EHD1: variants seen among roughly 807,000 people sequenced by gnomAD.
The protein encoded by EHD1 is EH domain containing 1, also known as EH domain-containing protein 1.
EHD1 carries 19 observed loss-of-function variants against 39.0 expected under a neutral mutation model. The observed-to-expected ratio is 0.49, with a 90% confidence interval of 0.34 to 0.72. EHD1 has a LOEUF of 0.72. EHD1 is among the 30% of genes least tolerant of loss of function. The pLI, the probability that EHD1 is intolerant of heterozygous loss-of-function variation, is 0.01. For missense variants in EHD1, 542 were observed against 751.5 expected (o/e 0.72, Z 3.26); for synonymous variants, 323 against 331.2 (o/e 0.98, Z 0.27).
chr11:64,859,697 A>G (rs1399716882), intron 3 of EHD1: 11 of 606,400 alleles, frequency 1.8e-5, no homozygotes, highest in Admixed American at 1.3e-4. Context: ...TATAAACCAC[A>G]AACAGAACAG....
chr11:64,852,938 G>A lies in EHD1; in HGVS notation c.*1395C>T, dbSNP rs1010659645. 1 of 152,404 alleles carries A rather than the reference G, an allele frequency of 6.6e-6. No individual in the cohort carries two copies. Among genetic ancestry groups the A allele is most frequent in the Non-Finnish European group, 1.5e-5 (1 of 68,154 alleles). The allele number at this position is 152,404 out of a possible 1,614,324, so 9.4% of individuals were successfully genotyped here. A position where few individuals can be genotyped will look rare whatever the true frequency, so the allele number is the denominator to read the frequency against. On this transcript the variant is annotated 3_prime_UTR_variant, in exon 5 of 5. Transcript: ENST00000320631. ...GAGCAGCGCTGGGGAGAAGCTCCCT[G>A]AGACCCCCGCGGGAAAGCCTGGTGG... is the stretch of plus-strand genomic sequence containing the variant.
At chr11:64,871,730 G>A (rs1430181169) in intron 2 of EHD1, among the ~76,000 whole-genome samples, 1 of 152,166 alleles carries the variant, frequency 6.6e-6, no homozygotes, top group East Asian at 1.9e-4. Context: ...GGATATAGGG[G>A]AGCCTGGCCT....
Position 64,860,053 on chromosome 11 carries a change from G to C in EHD1, c.786C>G (p.Leu262=), listed in dbSNP as rs768160178. 6.2e-7 allele frequency: 1 copy of C among 1,614,162 alleles called. No individual in the cohort carries two copies. The highest frequency in any genetic ancestry group is 2.2e-5 in the East Asian group (1 of 44,884). Reference sequence around the variant, plus strand: ...AGAGCTTGCGGTTGTCGGGGATGAGGAGCGGGTGGGACCAGAAGGAGCCGA... The same window carrying C: ...AGAGCTTGCGGTTGTCGGGGATGAGCAGCGGGTGGGACCAGAAGGAGCCGA... ...VYIGSFWSHP[L]LIPDNRKLFE... is the part of the protein sequence containing the mutation. Residue 262 remains leucine (L), a synonymous_variant, in exon 3 of 5, where the codon CTC becomes CTG. Transcript: ENST00000320631.
Position 64,854,331 on chromosome 11 carries a change from CA to C in EHD1, c.*1del. The C allele has an allele frequency of 6.2e-7, 1 of 1,600,416 alleles. No homozygotes were observed. Among genetic ancestry groups the C allele is most frequent in the Non-Finnish European group, 8.5e-7 (1 of 1,173,986 alleles). On this transcript the variant is annotated 3_prime_UTR_variant, in exon 5 of 5. Coordinates refer to ENST00000320631, the MANE Select transcript of EHD1 (RefSeq NM_006795.4). ...AAATGGCAGGTGCGGGGCCGGGCGC[CA>C]TCACTCATGTCTGCGCTTGGAGGGC...
intron 2 of EHD1, among the ~76,000 whole-genome samples, chr11:64,870,655 G>A (rs560465103): frequency 1.3e-5 from 2 of 152,352 alleles, no homozygotes; most frequent in South Asian, 4.1e-4. Context: ...GGTGGGGAAC[G>A]AACGAACTGG....
intron 4 of EHD1, 53 bp downstream of exon 4, chr11:64,855,269 T>C: frequency 2.5e-6 from 4 of 1,589,600 alleles, no homozygotes; most frequent in Non-Finnish European, 3.4e-6. Context: ...GCCCTGGGCC[T>C]TCCTTCTGCC....
At chr11:64,877,373 G>C (rs1003725423) in intron 1 of EHD1, among the ~76,000 whole-genome samples, 5 of 152,174 alleles carry the variant, frequency 3.3e-5, no homozygotes, top group African/African-American at 9.7e-5. Context: ...GTGCACAGAA[G>C]GGCTTAGGGC....
chr11:64,878,573 A>ACACTGCGCAGGCG lies in EHD1; in HGVS notation c.-122_-110dup, dbSNP rs1943916090. ...CGGGGCAGGGAATCGGGAGCGACCC[A>ACACTGCGCAGGCG]CACTGCGCAGGCGCACAGCCCAGCC... On this transcript the variant is annotated 5_prime_UTR_variant, in exon 1 of 5. Transcript: ENST00000320631. 1.4e-6 allele frequency: 2 copies of ACACTGCGCAGGCG among 1,451,724 alleles called. No individual in the cohort carries two copies. The highest frequency in any genetic ancestry group is 2.4e-4 in the Middle Eastern group (1 of 4,108). The allele number at this position is 1,451,724 out of a possible 1,614,324, so 89.9% of individuals were successfully genotyped here.
intron 2 of EHD1, among the ~76,000 whole-genome samples, chr11:64,870,403 C>G (rs1192652120): frequency 6.6e-6 from 1 of 152,220 alleles, no homozygotes; most frequent in South Asian, 2.1e-4. Flanking sequence ...AATTACTTAA[C>G]TTTCCTAAGC....
chr11:64,879,488 G>C (rs1943930088), upstream of EHD1: 3 of 1,412,908 alleles, frequency 2.1e-6, no homozygotes, highest in Non-Finnish European at 2.9e-6. Flanking sequence ...GGAAGTGTGG[G>C]GGCAACAATG....
rs549799396 is a variant in EHD1, at chr11:64,878,549, G to C, written c.-85C>G. On this transcript the variant is annotated 5_prime_UTR_variant, in exon 1 of 5. Transcript: ENST00000320631. ...GTGCGGAGCCGAGGCGGGGCCGGCC[G>C]GGGCAGGGAATCGGGAGCGACCCAC... The C allele has an allele frequency of 6.8e-7, 1 of 1,473,866 alleles. No individual in the cohort carries two copies. The highest frequency in any genetic ancestry group is 1.4e-5 in the African/African-American group (1 of 71,486). 91.3% of individuals were successfully genotyped at this position (1,473,866 alleles called of 1,614,324 possible).
At chr11:64,874,660 G>A (rs1014561706) in intron 1 of EHD1, 142 bp from the exon 2 acceptor site, 4 of 655,470 alleles carry the variant, frequency 6.1e-6, no homozygotes, top group African/African-American at 3.8e-5. Context: ...GTTTTCTATC[G>A]TCTTAGTTTC....
At chr11:64,862,501 C>CG (rs1228763841) in intron 2 of EHD1, among the ~76,000 whole-genome samples, 2 of 152,204 alleles carry the variant, frequency 1.3e-5, no homozygotes, top group Non-Finnish European at 2.9e-5. Context: ...GGAAGCACCT[C>CG]GGGTTCAGAG....
intron 2 of EHD1, among the ~76,000 whole-genome samples, chr11:64,863,601 GTCAAGC>G (rs1339085206): frequency 6.6e-6 from 1 of 152,218 alleles, no homozygotes. Context: ...GGTGTGCGGA[GTCAAGC>G]TCGCTCATGG....
intron 2 of EHD1, among the ~76,000 whole-genome samples, chr11:64,870,003 C>A (rs1300703906): frequency 1.3e-5 from 2 of 152,190 alleles, no homozygotes; most frequent in Non-Finnish European, 2.9e-5. Context: ...AGGGAGCCTG[C>A]AGACCACCAG....
intron 3 of EHD1, among the ~76,000 whole-genome samples, chr11:64,859,423 G>C (rs1252810884): frequency 6.6e-6 from 1 of 152,198 alleles, no homozygotes; most frequent in Non-Finnish European, 1.5e-5. Context: ...GGGAGGCTGA[G>C]GTAGGAGAAT....
chr11:64,876,177 G>T (rs1443087093), intron 1 of EHD1, among the ~76,000 whole-genome samples: 3 of 152,212 alleles, frequency 2.0e-5, no homozygotes, highest in Non-Finnish European at 1.5e-5. Context: ...CCTTGCCTTG[G>T]TCTGCTCCAG....
Position 64,855,426 on chromosome 11 carries a change from T to C in EHD1, c.976A>G (p.Ser326Gly). Residue 326 changes from serine (S) to glycine (G), a missense_variant, in exon 4 of 5, where the codon AGC becomes GGC. Transcript: ENST00000320631. ...TTGTTCACCAGCTCTTTCTTTTTGC[T>C]CTCTTTACCAAAGACATTGGGCATC... ...KEMPNVFGKESKKKELVNNLG... is the reference protein window; with the variant it reads ...KEMPNVFGKEGKKKELVNNLG... 6.2e-7 allele frequency: 1 copy of C among 1,614,036 alleles called. No homozygotes were observed. The highest frequency in any genetic ancestry group is 2.2e-5 in the East Asian group (1 of 44,886).
At chr11:64,855,617 G>A (rs1466664701) in intron 3 of EHD1, 131 bp from the exon 4 acceptor site, 48 of 1,341,810 alleles carry the variant, frequency 3.6e-5, no homozygotes, top group Non-Finnish European at 4.6e-5. Flanking sequence ...GATGGGTCAA[G>A]CTCAAGGCCG....
Sources: allele counts gnomAD v4.1 joint callset (sites outside exome capture counted in the v4.1 genomes callset), GRCh38; gene constraint gnomAD v4.1.1; transcripts MANE v1.5; gene names NCBI Gene and HGNC (gene_info 2026-07-23, HGNC 2026-07-21).